Variants in SLC15A3 observed in about 807,000 individuals in gnomAD.
SLC15A3 encodes osteoclast transporter.
In SLC15A3, 39 loss-of-function variants were observed where a neutral mutation model predicts 49.2. The observed-to-expected ratio is 0.79, with a 90% CI of 0.61 to 1.04. The LOEUF (loss-of-function observed/expected upper bound fraction) is 1.04. SLC15A3 is among the 50% of genes least tolerant of loss of function. The probability of loss-of-function intolerance (pLI) is 0.00; values close to 1 mark genes in which losing one functional copy is unlikely to be tolerated. For missense variants in SLC15A3, 758 were observed against 794.8 expected, an observed-to-expected ratio of 0.95 and a Z score of 0.56; for synonymous variants, 339 against 367.0, an observed-to-expected ratio of 0.92 and a Z score of 0.87.
At chr11:60,941,408 C>T (rs899433734) in intron 4 of SLC15A3, 118 bp from the exon 5 acceptor site, 2 of 1,003,846 alleles carry the variant, frequency 2.0e-6, no homozygotes, top group Non-Finnish European at 2.9e-6. Context: ...TCCTTTCCCT[C>T]TCTGGAGTTC....
chr11:60,938,640 C>A (rs1429860019), intron 6 of SLC15A3, among the ~76,000 whole-genome samples: 2 of 152,114 alleles, frequency 1.3e-5, no homozygotes, highest in African/African-American at 2.4e-5. Flanking sequence ...CAAAGCCCTT[C>A]GACACTTCGG....
chr11:60,941,055 G>T, intron 5 of SLC15A3, 67 bp downstream of exon 5: 1 of 1,530,678 alleles, frequency 6.5e-7, no homozygotes, highest in Non-Finnish European at 8.8e-7. Context: ...TTCAGCATCA[G>T]CCCATGGTGG....
Position 60,937,974 on chromosome 11 carries a change from A to C in SLC15A3, c.1487T>G (p.Met496Arg). 2 of 1,614,154 alleles carry C rather than the reference A, an allele frequency of 1.2e-6. No individual in the cohort carries two copies. Among genetic ancestry groups the C allele is most frequent in the Non-Finnish European group, 1.7e-6 (2 of 1,180,004 alleles). The change falls in exon 7 of 8, where the codon ATG becomes AGG. Residue 496 changes from methionine to arginine, a missense_variant. Transcript: ENST00000227880. ...CCCCGACAGGCAGAAGAAGATGCCCATGATGGCGCCCTGCATGGAGCGCGG... is the reference window on the plus strand; with the variant it reads ...CCCCGACAGGCAGAAGAAGATGCCCCTGATGGCGCCCTGCATGGAGCGCGG... ...EAPRSMQGAI[M>R]GIFFCLSGVG...
Position 60,939,612 on chromosome 11 carries a change from A to G in SLC15A3, c.1303T>C (p.Tyr435His). Residue 435 changes from tyrosine (Y) to histidine (H), a missense_variant, in exon 6 of 8, where the codon TAC becomes CAC. Coordinates refer to ENST00000227880, the MANE Select transcript of SLC15A3 (RefSeq NM_016582.3). ...AGVLEMERLH[Y>H]IHHNETVSQQ... ...GACACGGTCTCGTTGTGGTGGATGT[A>G]GTGTAAGCGCTCCATCTCCAGGACT... 6.2e-7 allele frequency: 1 copy of G among 1,614,136 alleles called. No homozygotes were observed. Among genetic ancestry groups the G allele is most frequent in the Non-Finnish European group, 8.5e-7 (1 of 1,179,990 alleles).
In SLC15A3 at chr11:60,952,110, C is replaced by G. The variant is rs553646009; in HGVS notation, c.-559G>C. On this transcript the variant is annotated 5_prime_UTR_variant, in exon 1 of 8. Transcript: ENST00000227880. ...TCACCCCCACTGCCTACACTCCCCT[C>G]TCAGTCCCCTGCAGCCCTCCCCCCA... is the stretch of plus-strand genomic sequence containing the variant. Among the ~76,000 whole-genome samples the G allele has an allele frequency of 1.1e-4, 17 of 152,066 alleles. No individual in the cohort carries two copies. The East Asian group carries it at 3.3e-3, about 30-fold the overall frequency.
At chr11:60,949,564 G>GAGAGAAAAGA (rs1856876112) in intron 1 of SLC15A3, among the ~76,000 whole-genome samples, 2 of 117,912 alleles carry the variant, frequency 1.7e-5, no homozygotes, top group African/African-American at 5.9e-5. Context: ...AAGAAAGAAA[G>GAGAGAAAAGA]AAAGAAAAGA....
Position 60,951,812 on chromosome 11 carries a change from T to G in SLC15A3, c.-261A>C. 1.2e-5 allele frequency: 2 copies of G among 167,338 alleles called. No homozygotes were observed. The highest frequency in any genetic ancestry group is 1.2e-5 in the Non-Finnish European group (1 of 82,278). The allele number at this position is 167,338 out of a possible 1,614,324, so 10.4% of individuals were successfully genotyped here. Reference sequence around the variant, plus strand: ...CTCTCCCTTCCCCCACCCCTAAGGCTTCCTCCCCGCGCCTCTCCTGCAGCT... The same window carrying G: ...CTCTCCCTTCCCCCACCCCTAAGGCGTCCTCCCCGCGCCTCTCCTGCAGCT... On this transcript the variant is annotated 5_prime_UTR_variant, in exon 1 of 8. Transcript: ENST00000227880.
chr11:60,946,836 G>A lies in SLC15A3; in HGVS notation c.559-15C>T, dbSNP rs1303472040. 3 of 1,601,306 alleles carry A rather than the reference G, an allele frequency of 1.9e-6. No homozygotes were observed. Among genetic ancestry groups the A allele is most frequent in the Admixed American group, 3.3e-5 (2 of 59,742 alleles). On this transcript the variant is annotated splice_polypyrimidine_tract_variant and intron_variant, in intron 1 of 7. Coordinates refer to ENST00000227880, the MANE Select transcript of SLC15A3 (RefSeq NM_016582.3). ...AGATCCATCACCTGCCATTCAGGAA[G>A]GGGTGACAGTGAGGGCCAAAGGGGT...
At chr11:60,945,380 T>C (rs681001) in intron 2 of SLC15A3, among the ~76,000 whole-genome samples, 11,161 of 152,140 alleles carry the variant, frequency 0.073, 845 homozygotes, top group African/African-American at 0.2. Context: ...GCAACCCCAG[T>C]GCCATCACGA....
intron 6 of SLC15A3, among the ~76,000 whole-genome samples, chr11:60,938,514 C>T (rs1235440519): frequency 1.3e-5 from 2 of 152,190 alleles, no homozygotes; most frequent in Non-Finnish European, 2.9e-5. Flanking sequence ...CCTCCTCACA[C>T]AGCCAGGAGC....
intron 5 of SLC15A3, chr11:60,940,034 G>T (rs1342201803): frequency 5.3e-6 from 1 of 190,062 alleles, no homozygotes; most frequent in Non-Finnish European, 1.1e-5. Context: ...CTGGATTTGA[G>T]CTCTGGTATG....
At position 60,945,906 on chromosome 11, in the gene SLC15A3, T is replaced by C. The variant is rs541901524; in HGVS notation, c.848+626A>G. On this transcript the variant is annotated intron_variant, in intron 2 of 7. Transcript: ENST00000227880. ...CTGTCATCCGCATTGCCAATGTTTG[T>C]GTCTTCAGTGTAGATACCAACACCA... Among the ~76,000 whole-genome samples the C allele has an allele frequency of 2.6e-5, 4 of 152,364 alleles. No homozygotes were observed. In the South Asian group the frequency reaches 8.3e-4, roughly 32 times the overall value.
intron 1 of SLC15A3, 22 bp from the exon 2 acceptor site, chr11:60,946,843 C>T (rs747174620): frequency 1.3e-6 from 2 of 1,595,344 alleles, no homozygotes; most frequent in South Asian, 2.2e-5. Flanking sequence ...GAAGGGGTGA[C>T]AGTGAGGGCC....
chr11:60,942,294 C>G, intron 3 of SLC15A3, 149 bp from the exon 4 acceptor site: 1 of 642,346 alleles, frequency 1.6e-6, no homozygotes, highest in East Asian at 2.9e-5. Flanking sequence ...TCCCACCCTC[C>G]TTTCTCCTAG....
chr11:60,951,578 G>T lies in SLC15A3; in HGVS notation c.-27C>A. On this transcript the variant is annotated 5_prime_UTR_variant, in exon 1 of 8. Transcript: ENST00000227880. ...CTGGCTCCGGGCTGGGCCCCCCGCG[G>T]CTCTTCTCTCCTCTCCTCTCCCCGC... The T allele has an allele frequency of 8.8e-7, 1 of 1,134,732 alleles. No homozygotes were observed. 70.3% of individuals were successfully genotyped at this position (1,134,732 alleles called of 1,614,324 possible).
intron 1 of SLC15A3, among the ~76,000 whole-genome samples, chr11:60,949,542 AAGAAAG>A (rs1225545913): frequency 5.1e-5 from 4 of 78,716 alleles, no homozygotes; most frequent in African/African-American, 1.1e-4. Flanking sequence ...GAAAGAAAGA[AAGAAAG>A]AAAGAAAGAA....
At chr11:60,946,883 T>A in intron 1 of SLC15A3, 62 bp from the exon 2 acceptor site, 1 of 1,524,024 alleles carries the variant, frequency 6.6e-7, no homozygotes, top group Non-Finnish European at 8.8e-7. Context: ...TCTGTACCCA[T>A]ACCCCTCCCT....
In SLC15A3 at chr11:60,939,512, A is replaced by G. The variant is rs758643057; in HGVS notation, c.1403T>C (p.Ile468Thr). 14 of 1,614,036 alleles carry G rather than the reference A, an allele frequency of 8.7e-6. No individual in the cohort carries two copies. Among genetic ancestry groups the G allele is most frequent in the African/African-American group, 4.0e-5 (3 of 74,910 alleles). The change falls in exon 6 of 8, where the codon ATT becomes ACT. Residue 468 changes from isoleucine (I) to threonine (T), a missense_variant. Around this residue, in one of 3 missense-constraint regions of SLC15A3, gnomAD observed 699 missense variants for 706.7 expected, o/e 0.99. Transcript: ENST00000227880. ...IWWQIPQYLL[I>T]GISEIFASIP... Reference sequence around the variant, plus strand: ...GCTGGCAAAGATCTCACTGATCCCAATGAGCAGGTACTGAGGGATCTGCCA... The same window carrying G: ...GCTGGCAAAGATCTCACTGATCCCAGTGAGCAGGTACTGAGGGATCTGCCA...
chr11:60,946,886 C>T, intron 1 of SLC15A3, 65 bp from the exon 2 acceptor site: 2 of 1,519,870 alleles, frequency 1.3e-6, no homozygotes, highest in East Asian at 2.3e-5. Context: ...GTACCCATAC[C>T]CCTCCCTCCT....
Sources: allele counts gnomAD v4.1 joint callset (sites outside exome capture counted in the v4.1 genomes callset), GRCh38; gene constraint gnomAD v4.1.1; regional missense constraint gnomAD v4.1.1; transcripts MANE v1.5; gene names NCBI Gene and HGNC (gene_info 2026-07-23, HGNC 2026-07-21).